Variants in NALF1 observed in about 807,000 individuals in gnomAD.
The protein encoded by NALF1 is NALCN channel auxiliary factor 1.
A neutral mutation model predicts 48.4 loss-of-function variants in NALF1; 3 were observed. That is an observed-to-expected ratio of 0.06 (90% CI 0.03 to 0.16). The LOEUF (loss-of-function observed/expected upper bound fraction) is 0.16. Among genes scored for constraint, NALF1 ranks in the 10% least tolerant of loss-of-function variants. The pLI is 1.00. For synonymous variants in NALF1, 262 were observed against 245.7 expected (o/e 1.07, Z -0.62); for missense variants, 526 against 571.5 (o/e 0.92, Z 0.81).
rs1191362278 is a variant in NALF1 at position 107,166,028 on chromosome 13, G to GTGTC, written c.*4468_*4469insGACA. The GTGTC allele has an allele frequency of 1.3e-5, 2 of 152,478 alleles. No homozygotes were observed. Among genetic ancestry groups the GTGTC allele is most frequent in the African/African-American group, 4.8e-5 (2 of 41,386 alleles). 9.4% of individuals were successfully genotyped at this position (152,478 alleles called of 1,614,324 possible). On this transcript the variant is annotated 3_prime_UTR_variant, in exon 3 of 3. Transcript: ENST00000375915. Reference sequence around the variant, plus strand: ...GCGATGTGTGTGTGTGTGTGTGTGTGTGTGTGTGTGTGTATGTATATATAT... The same window carrying GTGTC: ...GCGATGTGTGTGTGTGTGTGTGTGTGTGTCTGTGTGTGTGTGTATGTATATATAT...
intron 1 of NALF1, among the ~76,000 whole-genome samples, chr13:107,732,074 C>A (rs1453345558): frequency 1.3e-5 from 2 of 152,090 alleles, no homozygotes; most frequent in African/African-American, 4.8e-5. Flanking sequence ...CATATTATCA[C>A]CCTCATTTCT....
At chr13:107,218,383 C>T (rs1466991687) in intron 1 of NALF1, among the ~76,000 whole-genome samples, 1 of 152,172 alleles carries the variant, frequency 6.6e-6, no homozygotes, top group East Asian at 1.9e-4. Flanking sequence ...ATGTATCTGG[C>T]AGAAATTTAC....
chr13:107,471,987 T>G (rs936562639), intron 1 of NALF1, among the ~76,000 whole-genome samples: 8 of 152,180 alleles, frequency 5.3e-5, no homozygotes, highest in African/African-American at 1.9e-4. Context: ...CAACAGTACT[T>G]TTTCTGTGAT....
chr13:107,593,176 T>G (rs1878646048), intron 1 of NALF1, among the ~76,000 whole-genome samples: 1 of 151,868 alleles, frequency 6.6e-6, no homozygotes, highest in Admixed American at 6.6e-5. Context: ...TTCAATACAC[T>G]TAGGACCATA....
At chr13:107,575,449 T>A (rs973010525) in intron 1 of NALF1, among the ~76,000 whole-genome samples, 3 of 152,160 alleles carry the variant, frequency 2.0e-5, no homozygotes, top group Admixed American at 2.0e-4. Context: ...CTTTCTACAA[T>A]TTTAGCAGAG....
intron 1 of NALF1, among the ~76,000 whole-genome samples, chr13:107,307,547 G>A (rs1462515502): frequency 6.8e-6 from 1 of 148,018 alleles, no homozygotes; most frequent in Non-Finnish European, 1.5e-5. Context: ...ACAGTGGCGC[G>A]ATCTTGGCTC....
rs200798976 is a variant in NALF1, at chr13:107,680,653, AGT to A, written c.915+185027_915+185028del. Among the ~76,000 whole-genome samples, 90 of 151,578 alleles carry A rather than the reference AGT, an allele frequency of 5.9e-4. 1 individual carries two copies. Among genetic ancestry groups the A allele is most frequent in the Middle Eastern group, 3.4e-3 (1 of 294 alleles). ...GTGAGAGTGTGAAAGTGTGCATATGAGTGTGTATGTGTAAGGATGCAAATGTA... is the reference window on the plus strand; with the variant it reads ...GTGAGAGTGTGAAAGTGTGCATATGAGTGTATGTGTAAGGATGCAAATGTA... On this transcript the variant is annotated intron_variant, in intron 1 of 2. Transcript: ENST00000375915.
Position 107,704,344 on chromosome 13 carries a change from G to A in NALF1, c.915+161338C>T, listed in dbSNP as rs76740415. On this transcript the variant is annotated intron_variant, in intron 1 of 2. Coordinates refer to ENST00000375915, the MANE Select transcript of NALF1 (RefSeq NM_001080396.3). Reference sequence around the variant, plus strand: ...CTTTTGTTCTTTCTTTTTGAATTCTGAATCATTAGATCTAAGACTTCCTGA... The same window carrying A: ...CTTTTGTTCTTTCTTTTTGAATTCTAAATCATTAGATCTAAGACTTCCTGA... 7.9e-3 allele frequency among the ~76,000 whole-genome samples: 1,203 copies of A among 152,030 alleles called. 6 individuals are homozygous for A. The highest frequency in any genetic ancestry group is 0.017 in the Middle Eastern group (5 of 294).
At chr13:107,773,424 A>G (rs1366836613) in intron 1 of NALF1, among the ~76,000 whole-genome samples, 1 of 152,180 alleles carries the variant, frequency 6.6e-6, no homozygotes, top group Admixed American at 6.5e-5. Flanking sequence ...ACCTCAAGTT[A>G]TTATGGGATA....
At chr13:107,555,967 T>C (rs995291461) in intron 1 of NALF1, among the ~76,000 whole-genome samples, 2 of 152,066 alleles carry the variant, frequency 1.3e-5, no homozygotes, top group African/African-American at 2.4e-5. Context: ...CCTTGAGAAA[T>C]AGTTTAAATT....
chr13:107,182,276 G>A (rs1276502640), intron 2 of NALF1, among the ~76,000 whole-genome samples: 1 of 149,634 alleles, frequency 6.7e-6, no homozygotes, highest in Non-Finnish European at 1.5e-5. Flanking sequence ...GTGTGTGTTG[G>A]TTTGTTTGTT....
chr13:107,735,935 TTTCTC>T (rs1322137943), intron 1 of NALF1, among the ~76,000 whole-genome samples: 1 of 152,144 alleles, frequency 6.6e-6, no homozygotes, highest in Non-Finnish European at 1.5e-5. Context: ...TTTAGTAACT[TTTCTC>T]TGCTCTGAGT....
intron 1 of NALF1, among the ~76,000 whole-genome samples, chr13:107,779,673 G>A (rs926449149): frequency 6.6e-6 from 1 of 151,796 alleles, no homozygotes; most frequent in Non-Finnish European, 1.5e-5. Flanking sequence ...GTTTGACACT[G>A]AATTTTCATA....
At chr13:107,602,196 GATCTAC>G (rs1878948905) in intron 1 of NALF1, among the ~76,000 whole-genome samples, 1 of 152,128 alleles carries the variant, frequency 6.6e-6, no homozygotes, top group African/African-American at 2.4e-5. Context: ...TGGCCAAGAA[GATCTAC>G]AGATTATTCA....
In NALF1 at chr13:107,576,490, T is replaced by C. The variant is rs370027310; in HGVS notation, c.915+289192A>G. ...AACCACAGATAAATAAATCATGCTA[T>C]CTTCTCAACAAGGAGTCCATTCTGT... is the stretch of plus-strand genomic sequence containing the variant. On this transcript the variant is annotated intron_variant, in intron 1 of 2. Coordinates refer to ENST00000375915, the MANE Select transcript of NALF1 (RefSeq NM_001080396.3). 8.5e-5 allele frequency among the ~76,000 whole-genome samples: 13 copies of C among 152,342 alleles called. No homozygotes were observed. In the East Asian group the frequency reaches 2.1e-3, roughly 25 times the overall value.
intron 1 of NALF1, among the ~76,000 whole-genome samples, chr13:107,572,968 C>T (rs549418444): frequency 1.3e-5 from 2 of 152,312 alleles, no homozygotes; most frequent in South Asian, 2.1e-4. Context: ...TTCCAGACCC[C>T]ATCTCCTGGT....
intron 1 of NALF1, among the ~76,000 whole-genome samples, chr13:107,421,865 C>T (rs556449365): frequency 3.0e-4 from 45 of 152,190 alleles, no homozygotes; most frequent in African/African-American, 1.0e-3. Flanking sequence ...TGGTTTTTAG[C>T]CCAATCTTCA....
chr13:107,230,103 G>T (rs572705383), intron 1 of NALF1, among the ~76,000 whole-genome samples: 25 of 152,202 alleles, frequency 1.6e-4, no homozygotes, highest in African/African-American at 6.0e-4. Flanking sequence ...ATGCAGATTC[G>T]GCCTCCTCTC....
intron 1 of NALF1, among the ~76,000 whole-genome samples, chr13:107,409,901 C>G (rs1338040159): frequency 1.3e-5 from 2 of 152,134 alleles, no homozygotes; most frequent in African/African-American, 4.8e-5. Context: ...GTGCCCCAGC[C>G]CATAGCTGCA....
Sources: gnomAD v4.1 joint callset for allele counts (sites outside exome capture counted in the v4.1 genomes callset) on GRCh38, gnomAD v4.1.1 for gene constraint, MANE v1.5 for transcripts, NCBI Gene and HGNC (gene_info 2026-07-23, HGNC 2026-07-21) for gene names.